Variants in RALY observed in about 807,000 individuals in gnomAD.
RALY encodes the protein RALY heterogeneous nuclear ribonucleoprotein, also known as RNA-binding protein Raly.
RALY carries 15 observed loss-of-function variants against 30.7 expected under a neutral mutation model. The observed-to-expected ratio is 0.49, with a 90% confidence interval of 0.33 to 0.75. The LOEUF (loss-of-function observed/expected upper bound fraction) is 0.75. Among genes scored for constraint, RALY ranks in the 30% least tolerant of loss-of-function variants. RALY has a pLI of 0.02. For missense variants in RALY, 339 were observed against 414.3 expected, an observed-to-expected ratio of 0.82 and a Z score of 1.58; for synonymous variants, 177 against 170.8, an observed-to-expected ratio of 1.04 and a Z score of -0.28.
intron 1 of RALY, among the ~76,000 whole-genome samples, chr20:34,007,949 G>A (rs1601405332): frequency 6.6e-6 from 1 of 152,112 alleles, no homozygotes; most frequent in East Asian, 1.9e-4. Flanking sequence ...TCTTCAAGGA[G>A]CATATAGTCA....
chr20:34,069,351 C>G (rs2033663175), intron 2 of RALY, among the ~76,000 whole-genome samples: 1 of 152,164 alleles, frequency 6.6e-6, no homozygotes, highest in Admixed American at 6.5e-5. Context: ...ACTTGGCTCA[C>G]CAGTCAAGGT....
intron 1 of RALY, among the ~76,000 whole-genome samples, chr20:34,030,658 G>A (rs2123094586): frequency 6.6e-6 from 1 of 152,286 alleles, no homozygotes; most frequent in Admixed American, 6.5e-5. Context: ...GACTTATTTT[G>A]ATCTTGCGCA....
At chr20:34,037,193 A>G (rs758257117) in intron 2 of RALY, among the ~76,000 whole-genome samples, 37 of 152,188 alleles carry the variant, frequency 2.4e-4, no homozygotes, top group Non-Finnish European at 3.2e-4. Context: ...GTGGCCTACA[A>G]TGTATATGTG....
At chr20:34,048,645 A>G (rs2032968080) in intron 2 of RALY, among the ~76,000 whole-genome samples, 2 of 151,652 alleles carry the variant, frequency 1.3e-5, no homozygotes, top group Non-Finnish European at 2.9e-5. Context: ...TCACGAGGTC[A>G]GGAGATCAAG....
intron 2 of RALY, among the ~76,000 whole-genome samples, chr20:34,057,676 A>G (rs916096096): frequency 1.9e-4 from 29 of 151,992 alleles, no homozygotes; most frequent in African/African-American, 6.8e-4. Flanking sequence ...CAAAAAAAAA[A>G]AAAAAAAAAC....
intron 1 of RALY, among the ~76,000 whole-genome samples, chr20:34,001,697 A>C (rs116030211): frequency 4.6e-5 from 7 of 152,242 alleles, no homozygotes; most frequent in Admixed American, 2.0e-4. Flanking sequence ...GGTCATTTCC[A>C]TAACTTCATT....
At chr20:34,024,576 A>G (rs1601428461) in intron 1 of RALY, among the ~76,000 whole-genome samples, 1 of 152,158 alleles carries the variant, frequency 6.6e-6, no homozygotes, top group East Asian at 1.9e-4. Flanking sequence ...GGCATGCATT[A>G]TGTTCTCATA....
chr20:34,039,195 C>T (rs1027844886), intron 2 of RALY, among the ~76,000 whole-genome samples: 11 of 152,158 alleles, frequency 7.2e-5, no homozygotes, highest in African/African-American at 2.2e-4. Flanking sequence ...AACAAAAAGC[C>T]GCTATCTATA....
At chr20:34,020,971 A>G (rs2123052998) in intron 1 of RALY, among the ~76,000 whole-genome samples, 1 of 148,690 alleles carries the variant, frequency 6.7e-6, no homozygotes, top group African/African-American at 2.5e-5. Flanking sequence ...TAATTAGTTT[A>G]TTTTTTTTGA....
intron 8 of RALY, among the ~76,000 whole-genome samples, chr20:34,078,049 A>G (rs1380211115): frequency 6.6e-6 from 1 of 152,226 alleles, no homozygotes; most frequent in Non-Finnish European, 1.5e-5. Flanking sequence ...TATCGTGAGA[A>G]CAGATGGGCT....
At chr20:34,013,461 A>G (rs2031492082) in intron 1 of RALY, among the ~76,000 whole-genome samples, 1 of 151,076 alleles carries the variant, frequency 6.6e-6, no homozygotes, top group African/African-American at 2.4e-5. Context: ...CAGTATTTTC[A>G]GCTTACAAGG....
chr20:34,070,404 A>G (rs957201368), intron 2 of RALY, among the ~76,000 whole-genome samples: 1 of 152,186 alleles, frequency 6.6e-6, no homozygotes, highest in African/African-American at 2.4e-5. Context: ...CGTAAACTGT[A>G]CGGGAAAAAT....
In RALY at chr20:34,061,916, T is replaced by C. The variant is rs146574844; in HGVS notation, c.-9-10150T>C. ...CACTGTACTTTCTCTGTATCACTAA[T>C]GGTAAAGATCTGCTTTCTTTTTCTA... is the stretch of plus-strand genomic sequence containing the variant. On this transcript the variant is annotated intron_variant, in intron 2 of 9. Transcript: ENST00000246194. Among the ~76,000 whole-genome samples, 87 of 152,342 alleles carry C rather than the reference T, an allele frequency of 5.7e-4. 3 individuals are homozygous for C. The South Asian group carries it at 0.011, about 20-fold the overall frequency.
chr20:34,002,153 G>A (rs977806306), intron 1 of RALY, among the ~76,000 whole-genome samples: 1 of 152,156 alleles, frequency 6.6e-6, no homozygotes, highest in Non-Finnish European at 1.5e-5. Context: ...CTGAGGAATG[G>A]TGCTGCTGCC....
At position 34,084,481 on chromosome 20, in the gene RALY, A is replaced by G. The variant is rs2034073557; in HGVS notation, c.*4576A>G. On this transcript the variant is annotated 3_prime_UTR_variant, in exon 10 of 10. Transcript: ENST00000246194. The stretch of plus-strand genomic sequence containing the variant: ...CTGTGTGGTTATGTCTATTCTATAG[A>G]TTTTGTAGATGAGGTTTAAAAGCAT... 1 of 152,230 alleles carries G rather than the reference A, an allele frequency of 6.6e-6. No homozygotes were observed. Among genetic ancestry groups the G allele is most frequent in the African/African-American group, 2.4e-5 (1 of 41,446 alleles). 9.4% of individuals were successfully genotyped at this position (152,230 alleles called of 1,614,324 possible).
chr20:34,074,559 C>T (rs1033597747), intron 5 of RALY, among the ~76,000 whole-genome samples: 9 of 152,300 alleles, frequency 5.9e-5, no homozygotes, highest in Middle Eastern at 3.4e-3. Flanking sequence ...ATCCCCACCC[C>T]GCCCCTGTGA....
chr20:34,055,819 A>G (rs371126529), intron 2 of RALY, among the ~76,000 whole-genome samples: 97 of 152,346 alleles, frequency 6.4e-4, no homozygotes, highest in African/African-American at 2.2e-3. Flanking sequence ...AAGTAGCAGT[A>G]TGTCTTATTG....
rs531991507 is a variant in RALY at position 34,001,918 on chromosome 20, C to G, written c.-93+7787C>G. Among the ~76,000 whole-genome samples the G allele has an allele frequency of 2.6e-5, 4 of 152,256 alleles. No homozygotes were observed. In the South Asian group the frequency reaches 8.3e-4, roughly 32 times the overall value. ...AGTAGCTGGGACTGCAGGTGCCCACCACCACGCCCGGCTAATTTTTTTGTA... is the reference window on the plus strand; with the variant it reads ...AGTAGCTGGGACTGCAGGTGCCCACGACCACGCCCGGCTAATTTTTTTGTA... On this transcript the variant is annotated intron_variant, in intron 1 of 9. Transcript: ENST00000246194.
At chr20:34,055,721 C>T (rs1390399283) in intron 2 of RALY, among the ~76,000 whole-genome samples, 1 of 152,196 alleles carries the variant, frequency 6.6e-6, no homozygotes, top group Non-Finnish European at 1.5e-5. Flanking sequence ...ACTAGCAGGG[C>T]AAGAATGCCT....
Sources: gnomAD v4.1 joint callset for allele counts (sites outside exome capture counted in the v4.1 genomes callset) on GRCh38, gnomAD v4.1.1 for gene constraint, MANE v1.5 for transcripts, NCBI Gene and HGNC (gene_info 2026-07-23, HGNC 2026-07-21) for gene names.